Variants in MAGI2 observed in about 807,000 individuals in gnomAD.
The protein encoded by MAGI2 is membrane associated guanylate kinase, WW and PDZ domain containing 2.
In MAGI2, 35 loss-of-function variants were observed where a neutral mutation model predicts 133.3. That is an observed-to-expected ratio of 0.26 (90% CI 0.20 to 0.35). The LOEUF (loss-of-function observed/expected upper bound fraction) is 0.35, where lower values mean the gene tolerates loss of function less well. Among genes scored for constraint, MAGI2 ranks in the 10% least tolerant of loss-of-function variants. The probability of loss-of-function intolerance (pLI) is 1.00; values close to 1 mark genes in which losing one functional copy is unlikely to be tolerated. For missense variants in MAGI2, 1,636 were observed against 1,863.4 expected (o/e 0.88, Z 2.25); for synonymous variants, 729 against 710.6 (o/e 1.03, Z -0.41).
chr7:78,716,380 A>G (rs1819704006), intron 2 of MAGI2, among the ~76,000 whole-genome samples: 1 of 152,206 alleles, frequency 6.6e-6, no homozygotes, highest in Non-Finnish European at 1.5e-5. Context: ...TTGATAAGGC[A>G]CTTATGGTAG....
chr7:78,363,658 A>T (rs1793083488), intron 7 of MAGI2, among the ~76,000 whole-genome samples: 1 of 152,076 alleles, frequency 6.6e-6, no homozygotes, highest in Non-Finnish European at 1.5e-5. Flanking sequence ...TCATGAAAGT[A>T]TTGAAAAAGC....
chr7:79,299,637 T>A (rs1352641874), intron 1 of MAGI2, among the ~76,000 whole-genome samples: 2 of 150,048 alleles, frequency 1.3e-5, no homozygotes, highest in African/African-American at 4.9e-5. Flanking sequence ...ATATTTCAAA[T>A]CGGTTGGCAA....
intron 1 of MAGI2, among the ~76,000 whole-genome samples, chr7:79,403,717 A>G (rs557307583): frequency 2.6e-5 from 4 of 152,194 alleles, no homozygotes; most frequent in Non-Finnish European, 5.9e-5. Context: ...ATCATCTTAC[A>G]TTTAATCTAG....
chr7:79,065,237 G>T (rs1374026208), intron 1 of MAGI2, among the ~76,000 whole-genome samples: 4 of 152,020 alleles, frequency 2.6e-5, no homozygotes, highest in Non-Finnish European at 5.9e-5. Context: ...ATCTCTACAG[G>T]TTAAAGTAGC....
intron 2 of MAGI2, among the ~76,000 whole-genome samples, chr7:78,920,307 G>A (rs995875531): frequency 5.9e-5 from 9 of 152,112 alleles, no homozygotes; most frequent in Middle Eastern, 6.3e-3. Context: ...AACAGAGAGT[G>A]ATTGTTAGGA....
chr7:79,090,622 C>A (rs1169024676), intron 1 of MAGI2, among the ~76,000 whole-genome samples: 2 of 152,082 alleles, frequency 1.3e-5, no homozygotes, highest in African/African-American at 4.8e-5. Flanking sequence ...TACACGCAAC[C>A]TAAATTTAAA....
Position 79,453,562 on chromosome 7 carries a change from G to T in MAGI2, c.-242C>A. On this transcript the variant is annotated 5_prime_UTR_variant, in exon 1 of 22. Coordinates refer to ENST00000354212, the MANE Select transcript of MAGI2 (RefSeq NM_012301.4). ...GATGAGGTTGTGCTGTCCCTTGAAT[G>T]ACACTCAAGGCTGTGGCCCCGCAGC... 8.1e-7 allele frequency: 1 copy of T among 1,241,406 alleles called. No homozygotes were observed. The highest frequency in any genetic ancestry group is 2.7e-5 in the South Asian group (1 of 36,590). The allele number at this position is 1,241,406 out of a possible 1,614,324, so 76.9% of individuals were successfully genotyped here.
At chr7:78,461,638 G>T (rs1013701396) in intron 6 of MAGI2, among the ~76,000 whole-genome samples, 2 of 151,946 alleles carry the variant, frequency 1.3e-5, no homozygotes, top group East Asian at 1.9e-4. Context: ...CAGGCCAGAC[G>T]CAGTGGCTCA....
intron 4 of MAGI2, among the ~76,000 whole-genome samples, chr7:78,515,813 G>A (rs2150570533): frequency 6.6e-6 from 1 of 152,104 alleles, no homozygotes; most frequent in South Asian, 2.1e-4. Flanking sequence ...GCTGGAGAAT[G>A]GCTTGAACAC....
rs1178481301 is a variant in MAGI2, at chr7:79,155,426, G to A, written c.302-148220C>T. On this transcript the variant is annotated intron_variant, in intron 1 of 21. Coordinates refer to ENST00000354212, the MANE Select transcript of MAGI2 (RefSeq NM_012301.4). ...TGCTCTAGTGGGGAGGGGGGCCATG[G>A]TAGGTATTAATTAAACAATCTCACT... Among the ~76,000 whole-genome samples, 13 of 152,178 alleles carry A rather than the reference G, an allele frequency of 8.5e-5. No homozygotes were observed. In the South Asian group the frequency reaches 2.1e-3, roughly 24 times the overall value.
intron 1 of MAGI2, among the ~76,000 whole-genome samples, chr7:79,074,232 T>C (rs145885565): frequency 1.8e-3 from 274 of 152,330 alleles, no homozygotes; most frequent in African/African-American, 6.2e-3. Flanking sequence ...GGCATCTAAA[T>C]ATGATCAAAT....
At chr7:78,438,111 C>T (rs1787226432) in intron 6 of MAGI2, among the ~76,000 whole-genome samples, 1 of 152,164 alleles carries the variant, frequency 6.6e-6, no homozygotes, top group African/African-American at 2.4e-5. Context: ...AAGGAATCAA[C>T]TGGTGAGAAT....
intron 2 of MAGI2, among the ~76,000 whole-genome samples, chr7:78,870,402 A>G (rs939495615): frequency 3.3e-5 from 5 of 151,898 alleles, no homozygotes; most frequent in African/African-American, 1.2e-4. Flanking sequence ...TGAATAGACA[A>G]TTCTCAAAAG....
At chr7:78,680,785 G>A (rs910518628) in intron 2 of MAGI2, among the ~76,000 whole-genome samples, 1 of 152,110 alleles carries the variant, frequency 6.6e-6, no homozygotes, top group African/African-American at 2.4e-5. Context: ...CCTTAGAGGA[G>A]TAAGCTTATC....
chr7:78,557,225 C>A (rs1053294218), intron 3 of MAGI2, among the ~76,000 whole-genome samples: 7 of 151,992 alleles, frequency 4.6e-5, no homozygotes, highest in Admixed American at 3.9e-4. Flanking sequence ...ACCCTCTGTA[C>A]TGAATTGCCA....
intron 3 of MAGI2, among the ~76,000 whole-genome samples, chr7:78,556,653 C>G (rs948421462): frequency 2.6e-5 from 4 of 152,092 alleles, no homozygotes; most frequent in Non-Finnish European, 4.4e-5. Context: ...AACAAGCAAC[C>G]GTTTTGCTCA....
chr7:78,361,723 A>G (rs1792831234), intron 7 of MAGI2, among the ~76,000 whole-genome samples: 1 of 152,170 alleles, frequency 6.6e-6, no homozygotes, highest in Non-Finnish European at 1.5e-5. Context: ...TTTGTTAAGT[A>G]AGGTTGTTGA....
In MAGI2 at chr7:78,209,450, T is replaced by C. The variant is rs537798935; in HGVS notation, c.2048-8257A>G. On this transcript the variant is annotated intron_variant, in intron 10 of 21. Coordinates refer to ENST00000354212, the MANE Select transcript of MAGI2 (RefSeq NM_012301.4). ...CTAAAATTTGTATTTTTAGTAGAGA[T>C]GGGGGTTTCACCATGTTGGCCAGGA... Among the ~76,000 whole-genome samples, 63 of 151,178 alleles carry C rather than the reference T, an allele frequency of 4.2e-4. 1 individual carries two copies. Among genetic ancestry groups the C allele is most frequent in the South Asian group, 8.4e-4 (4 of 4,762 alleles).
rs1379867503 is a variant in MAGI2 at position 78,401,595 on chromosome 7, G to A, written c.1046-32382C>T. ...TTACATATATTCAGAAGTTTTGATA[G>A]TCTCTTATTTTTATCTTTTTAGATT... On this transcript the variant is annotated intron_variant, in intron 6 of 21. Coordinates refer to ENST00000354212, the MANE Select transcript of MAGI2 (RefSeq NM_012301.4). Among the ~76,000 whole-genome samples the A allele has an allele frequency of 9.2e-4, 140 of 152,066 alleles. 4 individuals carry two copies. The highest frequency in any genetic ancestry group is 9.2e-3 in the Admixed American group (140 of 15,244).
Sources: gnomAD v4.1 joint callset for allele counts (sites outside exome capture counted in the v4.1 genomes callset) on GRCh38, gnomAD v4.1.1 for gene constraint, MANE v1.5 for transcripts, NCBI Gene and HGNC (gene_info 2026-07-23, HGNC 2026-07-21) for gene names.